The following GPC5 variants were observed in gnomAD, a reference collection of about 807,000 sequenced individuals.
GPC5 encodes glypican 5.
In GPC5, 47 loss-of-function variants were observed where a neutral mutation model predicts 53.9. The ratio of observed to expected loss-of-function variants is 0.87; its 90% CI spans 0.69 to 1.11. The LOEUF (loss-of-function observed/expected upper bound fraction) is 1.11, where lower values mean the gene tolerates loss of function less well. GPC5 is among the 50% of genes most tolerant of loss of function. GPC5 has a pLI of 0.00. For missense variants in GPC5, 748 were observed against 713.1 expected (o/e 1.05, Z -0.56); for synonymous variants, 286 against 263.3 (o/e 1.09, Z -0.84).
intron 7 of GPC5, among the ~76,000 whole-genome samples, chr13:92,527,172 G>GAAAGAAAGAA (rs1472056609): frequency 1.6e-5 from 1 of 60,872 alleles, no homozygotes. Flanking sequence ...AAGAAAGAAA[G>GAAAGAAAGAA]AGAAAGAAAG....
chr13:91,840,659 C>T (rs956661775), intron 5 of GPC5, among the ~76,000 whole-genome samples: 8 of 151,636 alleles, frequency 5.3e-5, no homozygotes, highest in African/African-American at 1.7e-4. Context: ...TTTCTATTTA[C>T]GCCATACCAG....
chr13:91,939,567 A>G (rs1407590447), intron 6 of GPC5, among the ~76,000 whole-genome samples: 2 of 152,168 alleles, frequency 1.3e-5, no homozygotes, highest in African/African-American at 4.8e-5. Context: ...AGTTTTCCCA[A>G]GCATAGAGTT....
chr13:91,971,214 A>T (rs1441770493), intron 6 of GPC5, among the ~76,000 whole-genome samples: 1 of 151,974 alleles, frequency 6.6e-6, no homozygotes, highest in Non-Finnish European at 1.5e-5. Context: ...TGTGTCGAGG[A>T]ATTTATCCAT....
chr13:91,633,998 A>G (rs2034223217), intron 2 of GPC5, among the ~76,000 whole-genome samples: 1 of 152,102 alleles, frequency 6.6e-6, no homozygotes, highest in Admixed American at 6.6e-5. Flanking sequence ...GCTTTTATGA[A>G]TAATAAAGCA....
intron 7 of GPC5, among the ~76,000 whole-genome samples, chr13:92,797,881 A>AGAT (rs1324486139): frequency 7.2e-5 from 11 of 151,920 alleles, no homozygotes; most frequent in South Asian, 2.1e-4. Context: ...GATAGATGAT[A>AGAT]GATAGTAGAG....
intron 7 of GPC5, among the ~76,000 whole-genome samples, chr13:92,206,915 G>A (rs1452991396): frequency 6.6e-6 from 1 of 152,022 alleles, no homozygotes; most frequent in Non-Finnish European, 1.5e-5. Context: ...AAGATGGAAT[G>A]GTCTTCACCC....
chr13:92,505,745 T>C (rs1049735910), intron 7 of GPC5, among the ~76,000 whole-genome samples: 1 of 152,138 alleles, frequency 6.6e-6, no homozygotes, highest in Non-Finnish European at 1.5e-5. Context: ...CAAATTATGA[T>C]ACATCCCGAC....
At chr13:92,715,906 TTAATC>T (rs1160380927) in intron 7 of GPC5, among the ~76,000 whole-genome samples, 1 of 152,202 alleles carries the variant, frequency 6.6e-6, no homozygotes, top group Non-Finnish European at 1.5e-5. Context: ...GCTTAGAGAA[TTAATC>T]TAGTTTTTGA....
At chr13:91,971,984 G>T (rs1402743998) in intron 6 of GPC5, among the ~76,000 whole-genome samples, 1 of 152,144 alleles carries the variant, frequency 6.6e-6, no homozygotes, top group Non-Finnish European at 1.5e-5. Context: ...TATTAGGTCT[G>T]CTTGGTGCAG....
chr13:92,491,697 C>T (rs556962429), intron 7 of GPC5, among the ~76,000 whole-genome samples: 10 of 152,110 alleles, frequency 6.6e-5, no homozygotes, highest in South Asian at 4.2e-4. Context: ...AATATATTGT[C>T]GAATGTACTG....
chr13:91,684,571 C>T (rs1330933734), intron 2 of GPC5, among the ~76,000 whole-genome samples: 1 of 152,136 alleles, frequency 6.6e-6, no homozygotes, highest in East Asian at 1.9e-4. Flanking sequence ...TACATATGGA[C>T]AATCTGATCA....
At chr13:92,802,035 C>T (rs537635075) in intron 7 of GPC5, among the ~76,000 whole-genome samples, 12 of 151,804 alleles carry the variant, frequency 7.9e-5, no homozygotes, top group South Asian at 2.1e-4. Context: ...CAATAATGTC[C>T]TAGGCTTTCA....
At chr13:91,792,469 C>G (rs556101495) in intron 5 of GPC5, among the ~76,000 whole-genome samples, 1 of 152,314 alleles carries the variant, frequency 6.6e-6, no homozygotes, top group African/African-American at 2.4e-5. Context: ...ACAAATTCTA[C>G]TGATAGGGCA....
At chr13:92,474,873 T>C (rs1191973176) in intron 7 of GPC5, among the ~76,000 whole-genome samples, 1 of 152,082 alleles carries the variant, frequency 6.6e-6, no homozygotes, top group African/African-American at 2.4e-5. Flanking sequence ...TTCAAATATA[T>C]TCAGAAAAAT....
chr13:91,720,981 T>C (rs1250698759), intron 3 of GPC5, among the ~76,000 whole-genome samples: 3 of 152,176 alleles, frequency 2.0e-5, no homozygotes, highest in Non-Finnish European at 4.4e-5. Context: ...AAAGGCAACA[T>C]CATCTCTCCC....
chr13:92,333,539 G>T (rs1365746050), intron 7 of GPC5, among the ~76,000 whole-genome samples: 3 of 151,992 alleles, frequency 2.0e-5, no homozygotes, highest in Non-Finnish European at 4.4e-5. Context: ...GGGTGGTGGT[G>T]CTGAGAAGCA....
chr13:91,619,476 G>A (rs2139355438), intron 2 of GPC5, among the ~76,000 whole-genome samples: 2 of 152,186 alleles, frequency 1.3e-5, no homozygotes, highest in Middle Eastern at 6.8e-3. Context: ...ATTTGCTTTG[G>A]TCTGACACAA....
intron 6 of GPC5, among the ~76,000 whole-genome samples, chr13:92,074,482 T>G (rs2041237190): frequency 1.3e-5 from 2 of 152,096 alleles, no homozygotes; most frequent in African/African-American, 2.4e-5. Context: ...GGTATAAGTG[T>G]GGGGGAGCTG....
chr13:92,419,181 C>T (rs1162644184), intron 7 of GPC5, among the ~76,000 whole-genome samples: 3 of 152,292 alleles, frequency 2.0e-5, no homozygotes, highest in Non-Finnish European at 4.4e-5. Context: ...ATCAAAGGGA[C>T]CATCACCACT....
Sources: allele counts gnomAD v4.1 joint callset (sites outside exome capture counted in the v4.1 genomes callset), GRCh38; gene constraint gnomAD v4.1.1; transcripts MANE v1.5; gene names NCBI Gene and HGNC (gene_info 2026-07-23, HGNC 2026-07-21).